LAMA3: variants seen among roughly 807,000 people sequenced by gnomAD.
LAMA3 encodes laminin subunit alpha 3, also known as laminin subunit alpha-3.
LAMA3 carries 281 observed loss-of-function variants against 402.0 expected under a neutral mutation model. The observed-to-expected ratio is 0.70, with a 90% confidence interval of 0.63 to 0.77. The LOEUF is 0.77. Among genes scored for constraint, LAMA3 ranks in the 30% least tolerant of loss-of-function variants. The pLI is 0.00. For synonymous variants in LAMA3, 1,431 were observed against 1,558.4 expected (o/e 0.92, Z 1.93); for missense variants, 3,840 against 4,215.5 (o/e 0.91, Z 2.47).
chr18:23,952,855 A>T, intron 73 of LAMA3, 135 bp from the exon 74 acceptor site: 1 of 1,058,328 alleles, frequency 9.4e-7, no homozygotes, highest in Non-Finnish European at 1.4e-6. Context: ...AATTGAATTT[A>T]TATCTAAGCT....
In LAMA3 at chr18:23,837,034, A is replaced by T. The variant is rs759320795; in HGVS notation, c.3038A>T (p.Glu1013Val). The T allele has an allele frequency of 6.2e-7, 1 of 1,613,962 alleles. No homozygotes were observed. Among genetic ancestry groups the T allele is most frequent in the Non-Finnish European group, 8.5e-7 (1 of 1,179,898 alleles). Residue 1013 changes from glutamate (E) to valine (V), a missense_variant, in exon 25 of 75, where the codon GAG becomes GTG. By Grantham distance (121) the Glu-to-Val change is moderately radical. Transcript: ENST00000313654. ...CACATGAGCCGCATCGCCATGTATG[A>T]GCTATTGGCAGATGCAGACATTCAG... The part of the protein sequence containing the change: ...IDHMSRIAMY[E>V]LLADADIQLK...
rs577638454 is a variant in LAMA3, at chr18:23,864,657, C to A, written c.4585-128C>A. ...CATCCTCAACCCCACCTCCTAGATACAACCCTTGTTACCAGGTCGAGTGTG... is the reference window on the plus strand; with the variant it reads ...CATCCTCAACCCCACCTCCTAGATAAAACCCTTGTTACCAGGTCGAGTGTG... On this transcript the variant is annotated intron_variant, in intron 35 of 74. Coordinates refer to ENST00000313654, the MANE Select transcript of LAMA3 (RefSeq NM_198129.4). 9.4e-5 allele frequency: 67 copies of A among 709,340 alleles called. No individual in the cohort carries two copies. The African/African-American group carries it at 1.1e-3, about 11-fold the overall frequency. The allele number at this position is 709,340 out of a possible 1,614,324, so 43.9% of individuals were successfully genotyped here. A position where few individuals can be genotyped will look rare whatever the true frequency, so the allele number is the denominator to read the frequency against.
chr18:23,873,808 A>G (rs1433347454), intron 38 of LAMA3, among the ~76,000 whole-genome samples: 1 of 152,236 alleles, frequency 6.6e-6, no homozygotes, highest in East Asian at 1.9e-4. Context: ...TTTGTATATA[A>G]TATGTATTAC....
chr18:23,933,940 G>A lies in LAMA3; in HGVS notation c.8862+5G>A, dbSNP rs906099382. 3 of 1,613,940 alleles carry A rather than the reference G, an allele frequency of 1.9e-6. No individual in the cohort carries two copies. Among genetic ancestry groups the A allele is most frequent in the African/African-American group, 1.3e-5 (1 of 75,064 alleles). ...AAGACTTTTCGTATCAACCAGGTAA[G>A]TGTCCAAACCTAACCCTGGGTTTCC... On this transcript the variant is annotated splice_donor_5th_base_variant and intron_variant, in intron 67 of 74. Transcript: ENST00000313654.
chr18:23,719,612 C>G (rs1328449880), intron 2 of LAMA3, among the ~76,000 whole-genome samples: 1 of 151,638 alleles, frequency 6.6e-6, no homozygotes, highest in Non-Finnish European at 1.5e-5. Flanking sequence ...GAGCCAGATG[C>G]AAATACAGGA....
chr18:23,940,802 A>G (rs553540455), intron 68 of LAMA3, among the ~76,000 whole-genome samples: 1 of 150,790 alleles, frequency 6.6e-6, no homozygotes, highest in African/African-American at 2.4e-5. Flanking sequence ...TGCTAGTAGA[A>G]GCTAAGGCAG....
chr18:23,918,419 C>G lies in LAMA3; in HGVS notation c.7923+1724C>G, dbSNP rs2081714417. On this transcript the variant is annotated intron_variant, in intron 60 of 74. Coordinates refer to ENST00000313654, the MANE Select transcript of LAMA3 (RefSeq NM_198129.4). This position sits in a 1 kb window ranked among gnomAD's most constrained non-coding sequence, Gnocchi z 4.1. ...AAAACATGTGAAAACTTCCTGGGAT[C>G]TCTAAGATCTAGACTGACTTCCTGC... Among the ~76,000 whole-genome samples the G allele has an allele frequency of 1.3e-5, 2 of 152,214 alleles. No homozygotes were observed. Among genetic ancestry groups the G allele is most frequent in the Non-Finnish European group, 2.9e-5 (2 of 68,042 alleles).
intron 32 of LAMA3, among the ~76,000 whole-genome samples, chr18:23,857,147 G>A (rs1163231728): frequency 6.6e-6 from 1 of 152,206 alleles, no homozygotes; most frequent in African/African-American, 2.4e-5. Flanking sequence ...CAGGCTTTGG[G>A]AAGTTAAAGA....
chr18:23,828,023 A>T (rs1353126372), intron 23 of LAMA3, among the ~76,000 whole-genome samples: 1 of 152,210 alleles, frequency 6.6e-6, no homozygotes, highest in Non-Finnish European at 1.5e-5. Flanking sequence ...CTTCAGAACC[A>T]AATTTAAGAT....
At chr18:23,828,077 A>G (rs1176747426) in intron 23 of LAMA3, among the ~76,000 whole-genome samples, 1 of 152,238 alleles carries the variant, frequency 6.6e-6, no homozygotes, top group African/African-American at 2.4e-5. Context: ...GATATCAACC[A>G]TAACAATAAG....
Position 23,867,819 on chromosome 18 carries a change from G to A in LAMA3, c.4684-15G>A. On this transcript the variant is annotated splice_polypyrimidine_tract_variant and intron_variant, in intron 36 of 74. Coordinates refer to ENST00000313654, the MANE Select transcript of LAMA3 (RefSeq NM_198129.4). ...CAGTGAAGGTACTAACACATTCATG[G>A]TTTTCTTTAAACAGGGTCAGCACAT... 1 of 1,607,150 alleles carries A rather than the reference G, an allele frequency of 6.2e-7. No homozygotes were observed. The highest frequency in any genetic ancestry group is 8.5e-7 in the Non-Finnish European group (1 of 1,173,854).
At chr18:23,696,542 C>T (rs1211512265) in intron 1 of LAMA3, among the ~76,000 whole-genome samples, 2 of 152,042 alleles carry the variant, frequency 1.3e-5, no homozygotes, top group Non-Finnish European at 1.5e-5. Context: ...GCTCTGTGGC[C>T]CAGGTTGGTG....
intron 64 of LAMA3, among the ~76,000 whole-genome samples, chr18:23,930,256 T>TA (rs959640848): frequency 1.3e-5 from 2 of 152,196 alleles, no homozygotes; most frequent in Non-Finnish European, 2.9e-5. Context: ...TGCCCAAATT[T>TA]ACATCTTCAG....
At chr18:23,729,043 A>G (rs1598661944) in intron 2 of LAMA3, among the ~76,000 whole-genome samples, 1 of 151,760 alleles carries the variant, frequency 6.6e-6, no homozygotes, top group Non-Finnish European at 1.5e-5. Flanking sequence ...AAAAAAAAAA[A>G]AAAAAAAGAA....
chr18:23,770,429 C>T (rs1487117029), intron 8 of LAMA3, among the ~76,000 whole-genome samples: 1 of 151,424 alleles, frequency 6.6e-6, no homozygotes, highest in South Asian at 2.1e-4. Context: ...AGCTACTTGA[C>T]AAAAGTAGAT....
In LAMA3 at chr18:23,857,934, A is replaced by G. The variant is rs752159652; in HGVS notation, c.4227A>G (p.Arg1409=). The G allele has an allele frequency of 6.2e-6, 10 of 1,614,164 alleles. No individual in the cohort carries two copies. Among genetic ancestry groups the G allele is most frequent in the Non-Finnish European group, 8.5e-6 (10 of 1,180,018 alleles). ...FPECVPCNCN[R]DGTEPGVCDP... ...AGTGTGTTCCCTGCAATTGCAACAG[A>G]GATGGGACTGAGCCAGGAGTGTGTG... Residue 1409 remains arginine, a synonymous_variant, in exon 33 of 75, where the codon AGA becomes AGG. Coordinates refer to ENST00000313654, the MANE Select transcript of LAMA3 (RefSeq NM_198129.4).
intron 52 of LAMA3, among the ~76,000 whole-genome samples, chr18:23,906,372 T>A (rs928965953): frequency 6.6e-6 from 1 of 152,248 alleles, no homozygotes; most frequent in Non-Finnish European, 1.5e-5. Flanking sequence ...TCACTGCTAC[T>A]GTGAAGCATG....
chr18:23,760,866 T>C (rs966558436), intron 7 of LAMA3, among the ~76,000 whole-genome samples: 1 of 152,138 alleles, frequency 6.6e-6, no homozygotes, highest in Non-Finnish European at 1.5e-5. Context: ...TAGATGCCAC[T>C]TTCTTGCTGT....
rs112444107 is a variant in LAMA3, at chr18:23,797,661, G to A, written c.1604-12705G>A. Among the ~76,000 whole-genome samples, 200 of 151,896 alleles carry A rather than the reference G, an allele frequency of 1.3e-3. 1 individual carries two copies. The highest frequency in any genetic ancestry group is 4.4e-3 in the African/African-American group (180 of 41,374). On this transcript the variant is annotated intron_variant, in intron 12 of 74. Coordinates refer to ENST00000313654, the MANE Select transcript of LAMA3 (RefSeq NM_198129.4). ...TCCCGGGAGGCAGAGGTTGCAGTGA[G>A]CCAAGATCGCACCACTGCACTTCAG... is the stretch of plus-strand genomic sequence containing the variant.
Sources: gnomAD v4.1 joint callset for allele counts (sites outside exome capture counted in the v4.1 genomes callset) on GRCh38, gnomAD v4.1.1 for gene constraint, Gnocchi (gnomAD v3.1) non-coding constraint, MANE v1.5 for transcripts, NCBI Gene and HGNC (gene_info 2026-07-23, HGNC 2026-07-21) for gene names.